MARCHF7: variants seen among roughly 807,000 people sequenced by gnomAD.
MARCHF7 encodes the protein E3 ubiquitin-protein ligase MARCHF7.
A neutral mutation model predicts 76.5 loss-of-function variants in MARCHF7; 20 were observed. The ratio of observed to expected loss-of-function variants is 0.26; its 90% CI spans 0.18 to 0.38. The LOEUF (loss-of-function observed/expected upper bound fraction) is 0.38. Among genes scored for constraint, MARCHF7 ranks in the 10% least tolerant of loss-of-function variants. The pLI is 1.00. For synonymous variants in MARCHF7, 295 were observed against 293.0 expected, an observed-to-expected ratio of 1.01 and a Z score of -0.07; for missense variants, 797 against 812.9, an observed-to-expected ratio of 0.98 and a Z score of 0.24.
chr2:159,738,043 G>A (rs571629055), intron 4 of MARCHF7, among the ~76,000 whole-genome samples: 59 of 152,320 alleles, frequency 3.9e-4, no homozygotes, highest in African/African-American at 1.3e-3. Flanking sequence ...GCCTGCCAAG[G>A]GTGAGCCAGA....
At chr2:159,723,263 T>G (rs541746577) in intron 3 of MARCHF7, among the ~76,000 whole-genome samples, 2 of 152,220 alleles carry the variant, frequency 1.3e-5, no homozygotes, top group African/African-American at 4.8e-5. Context: ...ACCAAATACG[T>G]ATATAGTTTG....
intron 7 of MARCHF7, 75 bp downstream of exon 7, chr2:159,748,978 CTTTTT>C: frequency 1.4e-5 from 11 of 775,276 alleles, no homozygotes; most frequent in East Asian, 4.1e-5. Context: ...TTTTTCTTTT[CTTTTT>C]TTTTTTTTTT....
At chr2:159,766,260 ATTTCTCAGTGATAG>A (rs1193682488) in intron 11 of MARCHF7, among the ~76,000 whole-genome samples, 2 of 152,116 alleles carry the variant, frequency 1.3e-5, no homozygotes, top group Non-Finnish European at 2.9e-5. Context: ...TTAGTTTGGT[ATTTCTCAGTGATAG>A]AGCATAAAAC....
Position 159,757,114 on chromosome 2 carries a change from C to T in MARCHF7, c.1784-2112C>T, listed in dbSNP as rs111359249. Among the ~76,000 whole-genome samples, 562 of 152,254 alleles carry T rather than the reference C, an allele frequency of 3.7e-3. 4 individuals are homozygous for T. Among genetic ancestry groups the T allele is most frequent in the African/African-American group, 0.013 (528 of 41,544 alleles). On this transcript the variant is annotated intron_variant, in intron 8 of 11. Transcript: ENST00000409175. ...TTTGTCAAGTTGGCCAGGCTGATCTCGAACTCCTTGCCTCAAGTGATCCGC... is the reference window on the plus strand; with the variant it reads ...TTTGTCAAGTTGGCCAGGCTGATCTTGAACTCCTTGCCTCAAGTGATCCGC...
intron 9 of MARCHF7, 118 bp from the exon 10 acceptor site, chr2:159,762,762 G>C (rs899750721): frequency 3.8e-5 from 17 of 446,758 alleles, no homozygotes; most frequent in African/African-American, 3.4e-4. Context: ...CCCTTATTAG[G>C]AACTGGATAT....
chr2:159,746,124 A>T (rs987517959), intron 6 of MARCHF7, among the ~76,000 whole-genome samples, 187 bp downstream of exon 6: 1 of 152,230 alleles, frequency 6.6e-6, no homozygotes, highest in South Asian at 2.1e-4. Flanking sequence ...CAGTCGATGA[A>T]TATGAGTATC....
At position 159,767,546 on chromosome 2, in the gene MARCHF7, G is replaced by A; in HGVS notation, c.*204G>A. 1 of 425,894 alleles carries A rather than the reference G, an allele frequency of 2.3e-6. No homozygotes were observed. Among genetic ancestry groups the A allele is most frequent in the African/African-American group, 2.1e-5 (1 of 48,212 alleles). The allele number at this position is 425,894 out of a possible 1,614,324, so 26.4% of individuals were successfully genotyped here. A position where few individuals can be genotyped will look rare whatever the true frequency, so the allele number is the denominator to read the frequency against. ...AAATTCTGCTGGACTTTTTAACATA[G>A]CAAATCCGATGTTTATAAACTGGTA... On this transcript the variant is annotated 3_prime_UTR_variant, in exon 12 of 12. Coordinates refer to ENST00000409175, the MANE Select transcript of MARCHF7 (RefSeq NM_001282805.2).
intron 9 of MARCHF7, among the ~76,000 whole-genome samples, chr2:159,760,937 G>T (rs1401072777): frequency 1.3e-5 from 2 of 151,814 alleles, no homozygotes; most frequent in African/African-American, 4.8e-5. Context: ...CTAGTGGCCT[G>T]ATAGCTACAC....
intron 4 of MARCHF7, among the ~76,000 whole-genome samples, chr2:159,736,828 A>T (rs906171619): frequency 6.6e-6 from 1 of 152,226 alleles, no homozygotes; most frequent in Non-Finnish European, 1.5e-5. Flanking sequence ...TAGAGTATCT[A>T]TAGCTATTAA....
At position 159,747,837 on chromosome 2, in the gene MARCHF7, G is replaced by A; in HGVS notation, c.547G>A (p.Gly183Arg). ...VQDRVPSYSQ[G>R]ARPKENSMST... is the part of the protein sequence containing the mutation. ...AGACAGAGTTCCTTCATATTCACAA[G>A]GAGCAAGACCAAAAGAAAACTCAAT... The change falls in exon 7 of 12, where the codon GGA becomes AGA. Residue 183 changes from glycine (G) to arginine (R), a missense_variant. Around this residue, in one of 3 missense-constraint regions of MARCHF7, gnomAD observed 643 missense variants for 631.5 expected, o/e 1.02. Coordinates refer to ENST00000409175, the MANE Select transcript of MARCHF7 (RefSeq NM_001282805.2). The A allele has an allele frequency of 1.3e-6, 2 of 1,592,188 alleles. No homozygotes were observed. The highest frequency in any genetic ancestry group is 8.5e-7 in the Non-Finnish European group (1 of 1,173,852).
intron 3 of MARCHF7, among the ~76,000 whole-genome samples, chr2:159,719,985 G>T (rs977325039): frequency 6.6e-6 from 1 of 152,100 alleles, no homozygotes; most frequent in Non-Finnish European, 1.5e-5. Context: ...CCGCTGCCTA[G>T]TGCTTAGTAT....
At chr2:159,727,916 G>A (rs768822671) in intron 3 of MARCHF7, among the ~76,000 whole-genome samples, 30 of 152,142 alleles carry the variant, frequency 2.0e-4, no homozygotes, top group Non-Finnish European at 3.2e-4. Flanking sequence ...GGAAAACTTG[G>A]AAATTATTAA....
At chr2:159,752,649 G>C (rs1388440605) in intron 8 of MARCHF7, 78 bp downstream of exon 8, 1 of 1,260,614 alleles carries the variant, frequency 7.9e-7, no homozygotes. Flanking sequence ...CAAATTTATA[G>C]ATTGTTGAAT....
intron 3 of MARCHF7, among the ~76,000 whole-genome samples, chr2:159,725,987 A>G (rs1384579628): frequency 4.6e-5 from 7 of 152,196 alleles, no homozygotes; most frequent in African/African-American, 1.4e-4. Flanking sequence ...CATGACCACA[A>G]AAGAGTCTGT....
chr2:159,725,802 A>G (rs1201087482), intron 3 of MARCHF7, among the ~76,000 whole-genome samples: 1 of 152,212 alleles, frequency 6.6e-6, no homozygotes, highest in East Asian at 1.9e-4. Context: ...GGGAAGCATT[A>G]AAAATTCTGA....
intron 4 of MARCHF7, among the ~76,000 whole-genome samples, chr2:159,741,842 T>G (rs1704162598): frequency 1.3e-5 from 2 of 152,180 alleles, no homozygotes; most frequent in African/African-American, 4.8e-5. Flanking sequence ...ATTTTAGAGG[T>G]CCTTACTGTC....
Position 159,748,082 on chromosome 2 carries a change from A to C in MARCHF7, c.792A>C (p.Gln264His), listed in dbSNP as rs1254858042. 1 of 1,614,086 alleles carries C rather than the reference A, an allele frequency of 6.2e-7. No individual in the cohort carries two copies. Among genetic ancestry groups the C allele is most frequent in the Non-Finnish European group, 8.5e-7 (1 of 1,180,044 alleles). The change falls in exon 7 of 12, where the codon CAA becomes CAC. Residue 264 changes from glutamine to histidine, a missense_variant. Around this residue, in one of 3 missense-constraint regions of MARCHF7, gnomAD observed 643 missense variants for 631.5 expected, o/e 1.02. Coordinates refer to ENST00000409175, the MANE Select transcript of MARCHF7 (RefSeq NM_001282805.2). ...ATTCAGAAAGGGTTGTTTCATCTCAAAGACCATTTCAAGAATCTTCTGACA... is the reference window on the plus strand; with the variant it reads ...ATTCAGAAAGGGTTGTTTCATCTCACAGACCATTTCAAGAATCTTCTGACA... The part of the protein sequence containing the change: ...ISNSERVVSS[Q>H]RPFQESSDNE...
In MARCHF7 at chr2:159,743,207, T is replaced by C. The variant is rs764849402; in HGVS notation, c.300T>C (p.Thr100=). ...CTAAACTTTCCTGTACAAACTGTAC[T>C]ACCTCAGCTGGGAGAAATGTTGGAA... The part of the protein sequence containing the change: ...KRPKLSCTNC[T]TSAGRNVGNG... The change falls in exon 5 of 12, where the codon ACT becomes ACC. Residue 100 remains threonine (T), a synonymous_variant. Transcript: ENST00000409175. 48 of 1,614,048 alleles carry C rather than the reference T, an allele frequency of 3.0e-5. No individual in the cohort carries two copies. Among genetic ancestry groups the C allele is most frequent in the Non-Finnish European group, 3.9e-5 (46 of 1,180,026 alleles).
At chr2:159,733,412 A>G (rs937187496) in intron 4 of MARCHF7, 11 of 614,832 alleles carry the variant, frequency 1.8e-5, no homozygotes, top group Non-Finnish European at 2.0e-5. Flanking sequence ...TGCTTTTTAA[A>G]TTTTTTGTAG....
Sources: gnomAD v4.1 joint callset for allele counts (sites outside exome capture counted in the v4.1 genomes callset) on GRCh38, gnomAD v4.1.1 for gene constraint, gnomAD v4.1.1 regional missense constraint, MANE v1.5 for transcripts, NCBI Gene and HGNC (gene_info 2026-07-23, HGNC 2026-07-21) for gene names.